The following TFEC variants were observed in gnomAD, a reference collection of about 807,000 sequenced individuals.
TFEC encodes the protein class E basic helix-loop-helix protein 34.
In TFEC, 31 loss-of-function variants were observed where a neutral mutation model predicts 41.6. The observed-to-expected ratio is 0.74, with a 90% CI of 0.56 to 1.01. TFEC has a LOEUF of 1.01. Among genes scored for constraint, TFEC ranks in the 50% least tolerant of loss-of-function variants. The pLI, the probability that TFEC is intolerant of heterozygous loss-of-function variation, is 0.00. For missense variants in TFEC, 402 were observed against 404.1 expected, an observed-to-expected ratio of 0.99 and a Z score of 0.04; for synonymous variants, 143 against 140.6, an observed-to-expected ratio of 1.02 and a Z score of -0.12.
chr7:115,972,095 TC>T (rs1470617482), intron 3 of TFEC, among the ~76,000 whole-genome samples: 4 of 152,066 alleles, frequency 2.6e-5, no homozygotes, highest in Non-Finnish European at 4.4e-5. Context: ...TTGTACATTC[TC>T]TTTTTTCTCA....
intron 3 of TFEC, among the ~76,000 whole-genome samples, chr7:115,957,703 C>T (rs1181880992): frequency 1.3e-5 from 2 of 151,746 alleles, no homozygotes; most frequent in Admixed American, 6.6e-5. Context: ...AAACCAAGAG[C>T]TGAATAAGAA....
intron 3 of TFEC, among the ~76,000 whole-genome samples, chr7:116,065,853 G>A (rs73220447): frequency 0.1 from 15,538 of 152,124 alleles, 879 homozygotes; most frequent in African/African-American, 0.14. Context: ...AGGGACATCA[G>A]ATTGCCCTCT....
intron 1 of TFEC, among the ~76,000 whole-genome samples, chr7:116,023,939 G>T (rs1795492259): frequency 6.6e-6 from 1 of 152,118 alleles, no homozygotes; most frequent in African/African-American, 2.4e-5. Context: ...AGTGGGAAAT[G>T]GAAGCAATTA....
intron 3 of TFEC, among the ~76,000 whole-genome samples, chr7:116,053,449 T>C (rs1488229122): frequency 1.3e-5 from 2 of 152,230 alleles, no homozygotes; most frequent in African/African-American, 2.4e-5. Context: ...GCTAGCCTTA[T>C]AGTGTAGTGT....
At chr7:116,110,981 T>C in intron 2 of TFEC, 1 of 987,910 alleles carries the variant, frequency 1.0e-6, no homozygotes, top group Middle Eastern at 2.3e-4. Context: ...AAAATAATAT[T>C]TTATCACCTG....
chr7:115,990,074 T>C (rs1045929024), intron 1 of TFEC, among the ~76,000 whole-genome samples: 1 of 152,190 alleles, frequency 6.6e-6, no homozygotes, highest in Non-Finnish European at 1.5e-5. Context: ...CTGCAATATT[T>C]GCTGTTCTGC....
intron 3 of TFEC, among the ~76,000 whole-genome samples, chr7:116,080,976 AGTGTGTGTGTGTGTGTGTGTGT>A (rs60317630): frequency 2.2e-5 from 3 of 138,016 alleles, no homozygotes; most frequent in Non-Finnish European, 4.7e-5. Flanking sequence ...AAGAAAATGT[AGTGTGTGTGTGTGTGTGTGTGT>A]GTGTGTGTGT....
At chr7:116,145,010 T>C (rs996991407) in intron 1 of TFEC, among the ~76,000 whole-genome samples, 2 of 152,216 alleles carry the variant, frequency 1.3e-5, no homozygotes, top group African/African-American at 2.4e-5. Context: ...ATAGACTATA[T>C]TGCTAGGAAA....
rs1467247838 is a variant in TFEC, at chr7:115,978,840, T to C, written c.181-4584A>G. On this transcript the variant is annotated intron_variant, in intron 2 of 7. Coordinates refer to ENST00000265440, the MANE Select transcript of TFEC (RefSeq NM_012252.4). ...CAGTTATCTTTTTACTTTACTTTTA[T>C]GGGCTTTCTCTTCTAACCATCCCTT... Among the ~76,000 whole-genome samples the C allele has an allele frequency of 2.0e-5, 3 of 152,218 alleles. No individual in the cohort carries two copies. In the South Asian group the frequency reaches 6.2e-4, roughly 32 times the overall value.
At chr7:116,092,495 A>T (rs1797351768) in intron 3 of TFEC, among the ~76,000 whole-genome samples, 1 of 152,204 alleles carries the variant, frequency 6.6e-6, no homozygotes, top group South Asian at 2.1e-4. Context: ...CAGATATTTT[A>T]GTATTTTACA....
chr7:116,051,261 C>A (rs6978073), intron 3 of TFEC, among the ~76,000 whole-genome samples: 1 of 152,032 alleles, frequency 6.6e-6, no homozygotes, highest in Non-Finnish European at 1.5e-5. Context: ...CAAACCTGCA[C>A]GTTGTGCACA....
upstream of TFEC, among the ~76,000 whole-genome samples, chr7:116,033,096 G>A (rs531480869): frequency 4.7e-5 from 7 of 150,204 alleles, no homozygotes; most frequent in South Asian, 1.5e-3. Context: ...TTAATCACGT[G>A]ACAAAGAAAA....
chr7:116,035,192 T>C (rs1183868831), upstream of TFEC, among the ~76,000 whole-genome samples: 1 of 152,024 alleles, frequency 6.6e-6, no homozygotes, highest in Admixed American at 6.6e-5. Flanking sequence ...AATTCCCTAC[T>C]GCCTAAATTT....
chr7:116,148,952 CAG>C (rs1798702730), intron 1 of TFEC, among the ~76,000 whole-genome samples: 1 of 149,168 alleles, frequency 6.7e-6, no homozygotes, highest in Non-Finnish European at 1.5e-5. Context: ...TTTAAGCGAT[CAG>C]GGAGATAAGG....
chr7:116,126,846 C>G (rs1353502274), intron 1 of TFEC, among the ~76,000 whole-genome samples: 1 of 152,120 alleles, frequency 6.6e-6, no homozygotes, highest in Non-Finnish European at 1.5e-5. Context: ...TAAAGAACCA[C>G]TGTCCCCTGG....
intron 1 of TFEC, among the ~76,000 whole-genome samples, chr7:116,136,471 ATTCT>A (rs1294242450): frequency 6.6e-6 from 1 of 151,956 alleles, no homozygotes; most frequent in East Asian, 1.9e-4. Context: ...TAATAAATAG[ATTCT>A]TTCTTCATCA....
intron 3 of TFEC, among the ~76,000 whole-genome samples, chr7:116,080,991 G>A (rs1390052183): frequency 7.0e-6 from 1 of 143,238 alleles, no homozygotes; most frequent in African/African-American, 2.5e-5. Context: ...GTGTGTGTGT[G>A]TGTGTGTGTG....
At chr7:115,977,206 T>C (rs1241339203) in intron 2 of TFEC, among the ~76,000 whole-genome samples, 1 of 152,068 alleles carries the variant, frequency 6.6e-6, no homozygotes, top group African/African-American at 2.4e-5. Context: ...ACAGAATTAA[T>C]AGATCAGACA....
At chr7:115,999,150 C>T (rs1042968075) in intron 1 of TFEC, among the ~76,000 whole-genome samples, 3 of 151,748 alleles carry the variant, frequency 2.0e-5, no homozygotes, top group African/African-American at 7.2e-5. Context: ...TTTTCTCTGA[C>T]CACAATGAAA....
Sources: allele counts gnomAD v4.1 joint callset (sites outside exome capture counted in the v4.1 genomes callset), GRCh38; gene constraint gnomAD v4.1.1; transcripts MANE v1.5; gene names NCBI Gene and HGNC (gene_info 2026-07-23, HGNC 2026-07-21).